Variants in NOTCH2 observed in about 807,000 individuals in gnomAD.
The protein encoded by NOTCH2 is notch receptor 2.
NOTCH2 carries 29 observed loss-of-function variants against 235.8 expected under a neutral mutation model. The observed-to-expected ratio is 0.12, with a 90% CI of 0.09 to 0.17. The LOEUF is 0.17. NOTCH2 is among the 10% of genes least tolerant of loss of function. NOTCH2 has a pLI of 1.00. For synonymous variants in NOTCH2, 1,086 were observed against 1,141.5 expected (o/e 0.95, Z 0.98); for missense variants, 2,285 against 3,150.2 (o/e 0.73, Z 6.57).
intron 1 of NOTCH2, among the ~76,000 whole-genome samples, chr1:120,058,366 G>C (rs587680324): frequency 6.7e-6 from 1 of 149,400 alleles, no homozygotes; most frequent in East Asian, 2.0e-4. Context: ...TTAGCCAGGC[G>C]TTGTGGTGCA....
intron 17 of NOTCH2, among the ~76,000 whole-genome samples, chr1:119,945,883 C>G (rs1002808786): frequency 5.3e-5 from 8 of 151,946 alleles, no homozygotes; most frequent in Non-Finnish European, 8.8e-5. Flanking sequence ...TAACACTACC[C>G]TATCCAATTT....
At chr1:119,989,567 C>A (rs1652151079) in intron 4 of NOTCH2, among the ~76,000 whole-genome samples, 1 of 151,776 alleles carries the variant, frequency 6.6e-6, no homozygotes, top group Non-Finnish European at 1.5e-5. Flanking sequence ...ATCTGCAAAT[C>A]ATATTATCTG....
At chr1:119,941,832 A>AACT in intron 17 of NOTCH2, 78 bp from the exon 18 acceptor site, 1 of 1,134,060 alleles carries the variant, frequency 8.8e-7, no homozygotes, top group Non-Finnish European at 1.3e-6. Context: ...GAATGACCTG[A>AACT]ACTAAGTCAT....
chr1:119,953,654 T>C lies in NOTCH2; in HGVS notation c.2254A>G (p.Ile752Val), dbSNP rs1167480433. The change falls in exon 14 of 34, where the codon ATC becomes GTC. Residue 752 changes from isoleucine to valine, a missense_variant. Coordinates refer to ENST00000256646, the MANE Select transcript of NOTCH2 (RefSeq NM_024408.4). ...TCATTTTTGTCCACTTCACAGTTGA[T>C]GCCAACCCAGCCTGCATCACAGAGA... ...KCLCDAGWVGINCEVDKNECL... is the reference protein window; with the variant it reads ...KCLCDAGWVGVNCEVDKNECL... 6.2e-7 allele frequency: 1 copy of C among 1,614,094 alleles called. No homozygotes were observed. The highest frequency in any genetic ancestry group is 8.5e-7 in the Non-Finnish European group (1 of 1,180,044).
At chr1:119,919,264 T>G in intron 31 of NOTCH2, 48 bp downstream of exon 31, 3 of 1,520,510 alleles carry the variant, frequency 2.0e-6, no homozygotes, top group Non-Finnish European at 2.7e-6. Context: ...TAAAACATTA[T>G]AGAGCCATAG....
chr1:119,994,635 G>C (rs1553203792), intron 4 of NOTCH2: 1 of 116,720 alleles, frequency 8.6e-6, no homozygotes, highest in Non-Finnish European at 1.7e-5. Context: ...CTTATAACAT[G>C]AACATATATT....
chr1:120,039,534 G>A (rs371996716), intron 1 of NOTCH2, among the ~76,000 whole-genome samples: 10 of 150,388 alleles, frequency 6.6e-5, no homozygotes, highest in African/African-American at 1.7e-4. Flanking sequence ...TCAGCCTCCC[G>A]AGTAGCTGGG....
chr1:120,040,844 T>A (rs1352722876), intron 1 of NOTCH2, among the ~76,000 whole-genome samples: 6 of 149,962 alleles, frequency 4.0e-5, no homozygotes, highest in Admixed American at 2.6e-4. Context: ...GAGACCATCC[T>A]GGCTAACACG....
rs587600657 is a variant in NOTCH2 at position 119,964,423 on chromosome 1, C to T, written c.1682-616G>A. Among the ~76,000 whole-genome samples the T allele has an allele frequency of 6.6e-5, 10 of 152,246 alleles. No individual in the cohort carries two copies. In the South Asian group the frequency reaches 1.9e-3, roughly 28 times the overall value. ...CTAAAAGACTCCAGGAGTCCTCCCC[C>T]CACTTTTAAACCTGAGCTAAAGGTT... On this transcript the variant is annotated intron_variant, in intron 10 of 33. Coordinates refer to ENST00000256646, the MANE Select transcript of NOTCH2 (RefSeq NM_024408.4).
intron 14 of NOTCH2, 58 bp downstream of exon 14, chr1:119,953,485 A>C: frequency 1.3e-6 from 2 of 1,555,596 alleles, no homozygotes; most frequent in East Asian, 4.5e-5. Context: ...TGAGTCAAGC[A>C]GTATGCAACA....
At chr1:120,065,931 C>T (rs1655488647) in intron 1 of NOTCH2, among the ~76,000 whole-genome samples, 1 of 151,434 alleles carries the variant, frequency 6.6e-6, no homozygotes, top group African/African-American at 2.4e-5. Context: ...TTATTCAAAT[C>T]ACGCCTTGCA....
intron 1 of NOTCH2, among the ~76,000 whole-genome samples, chr1:120,067,511 T>C (rs1172413644): frequency 8.5e-5 from 13 of 152,218 alleles, no homozygotes; most frequent in Non-Finnish European, 1.9e-4. Context: ...CAAATCACTT[T>C]ACAATTATAT....
Position 119,968,245 on chromosome 1 carries a change from G to A in NOTCH2, c.1109-13C>T. On this transcript the variant is annotated splice_polypyrimidine_tract_variant and intron_variant, in intron 6 of 33. Coordinates refer to ENST00000256646, the MANE Select transcript of NOTCH2 (RefSeq NM_024408.4). ...TGACACAGGAGACCTGTCACAGGGT[G>A]GGGCAAAGGACAACTAAGAGAAAAT... is the stretch of plus-strand genomic sequence containing the variant. The A allele has an allele frequency of 6.2e-7, 1 of 1,613,208 alleles. No homozygotes were observed. The highest frequency in any genetic ancestry group is 8.5e-7 in the Non-Finnish European group (1 of 1,179,698).
chr1:119,977,865 T>A (rs973241723), intron 5 of NOTCH2, among the ~76,000 whole-genome samples: 2 of 152,152 alleles, frequency 1.3e-5, no homozygotes, highest in African/African-American at 4.8e-5. Flanking sequence ...AAAATATATA[T>A]ATGTACACAT....
chr1:119,981,269 A>G (rs1651802324), intron 5 of NOTCH2, among the ~76,000 whole-genome samples: 1 of 152,090 alleles, frequency 6.6e-6, no homozygotes, highest in Non-Finnish European at 1.5e-5. Context: ...ATGCTTCCCC[A>G]TTCCCACCAT....
Position 119,959,431 on chromosome 1 carries a change from T to A in NOTCH2, c.1987A>T (p.Ile663Phe), listed in dbSNP as rs1301107418. The change falls in exon 12 of 34, where the codon ATT becomes TTT. Residue 663 changes from isoleucine (I) to phenylalanine (F), a missense_variant. Physicochemically the swap from Ile to Phe is conservative, Grantham distance 21. This residue lies in a region of NOTCH2 where 431 missense variants were observed against 757.8 expected (regional missense o/e 0.57). Transcript: ENST00000256646. ...PCIHGICMDG[I>F]NRYSCVCSPG... Reference sequence around the variant, plus strand: ...GAGCAGACACAACTGTAGCGATTAATGCCATCCATACAGATTCCATGGATA... The same window carrying A: ...GAGCAGACACAACTGTAGCGATTAAAGCCATCCATACAGATTCCATGGATA... 1 of 1,611,514 alleles carries A rather than the reference T, an allele frequency of 6.2e-7. No homozygotes were observed. Among genetic ancestry groups the A allele is most frequent in the Non-Finnish European group, 8.5e-7 (1 of 1,177,720 alleles).
Position 119,911,567 on chromosome 1 carries a change from T to C in NOTCH2, c.*3739A>G, listed in dbSNP as rs1379941482. 1 of 230,234 alleles carries C rather than the reference T, an allele frequency of 4.3e-6. No homozygotes were observed. The highest frequency in any genetic ancestry group is 8.6e-6 in the Non-Finnish European group (1 of 116,396). 14.3% of individuals were successfully genotyped at this position (230,234 alleles called of 1,614,324 possible). On this transcript the variant is annotated 3_prime_UTR_variant, in exon 34 of 34. Coordinates refer to ENST00000256646, the MANE Select transcript of NOTCH2 (RefSeq NM_024408.4). Reference sequence around the variant, plus strand: ...AACATCAAGTATTCATGTTCAAATATCTCACTGACTTTATAAATAAATGTA... The same window carrying C: ...AACATCAAGTATTCATGTTCAAATACCTCACTGACTTTATAAATAAATGTA...
Position 120,069,434 on chromosome 1 carries a change from C to T in NOTCH2, c.-28G>A, listed in dbSNP as rs1553217975. 25 of 1,528,370 alleles carry T rather than the reference C, an allele frequency of 1.6e-5. No homozygotes were observed. The highest frequency in any genetic ancestry group is 2.2e-4 in the Middle Eastern group (1 of 4,606). 94.7% of individuals were successfully genotyped at this position (1,528,370 alleles called of 1,614,324 possible). On this transcript the variant is annotated 5_prime_UTR_variant, in exon 1 of 34. Transcript: ENST00000256646. Reference sequence around the variant, plus strand: ...TCTCGGTCGCCTCCTCCTCCGCCGCCGCCGCCGCCGCCTGGGCAGATCCAC... The same window carrying T: ...TCTCGGTCGCCTCCTCCTCCGCCGCTGCCGCCGCCGCCTGGGCAGATCCAC...
At chr1:119,916,779 C>G in intron 33 of NOTCH2, 85 bp from the exon 34 acceptor site, 2 of 1,338,702 alleles carry the variant, frequency 1.5e-6, no homozygotes, top group African/African-American at 1.4e-5. Context: ...TATTATCACC[C>G]CCTTAGACAT....
Sources: gnomAD v4.1 joint callset for allele counts (sites outside exome capture counted in the v4.1 genomes callset) on GRCh38, gnomAD v4.1.1 for gene constraint, gnomAD v4.1.1 regional missense constraint, MANE v1.5 for transcripts, NCBI Gene and HGNC (gene_info 2026-07-23, HGNC 2026-07-21) for gene names.